SYNE2: variants seen among roughly 807,000 people sequenced by gnomAD.
The protein encoded by SYNE2 is spectrin repeat containing nuclear envelope protein 2.
SYNE2 carries 431 observed loss-of-function variants against 856.3 expected under a neutral mutation model. The observed-to-expected ratio is 0.50, with a 90% CI of 0.47 to 0.55. The LOEUF is 0.55. SYNE2 is among the 20% of genes least tolerant of loss of function. SYNE2 has a pLI of 0.00. For synonymous variants in SYNE2, 2,923 were observed against 2,872.3 expected, an observed-to-expected ratio of 1.02 and a Z score of -0.56; for missense variants, 8,129 against 8,023.2, an observed-to-expected ratio of 1.01 and a Z score of -0.50.
rs771611042 is a variant in SYNE2 at position 64,137,995 on chromosome 14, T to C, written c.14843+12T>C. ...AAGCATCTGCTCAGGTCAGCCTTTT[T>C]GGGGGTGGATTGGCTTCATATTGTG... On this transcript the variant is annotated intron_variant, in intron 79 of 115. Transcript: ENST00000555002. The C allele has an allele frequency of 1.2e-6, 2 of 1,610,492 alleles. No individual in the cohort carries two copies. The highest frequency in any genetic ancestry group is 3.4e-5 in the Admixed American group (2 of 59,316).
chr14:64,145,023 T>C (rs1456072243), intron 83 of SYNE2, among the ~76,000 whole-genome samples: 1 of 150,266 alleles, frequency 6.7e-6, no homozygotes, highest in Non-Finnish European at 1.5e-5. Context: ...ACCTCCCAGA[T>C]TCATGCAATT....
chr14:64,153,475 A>C (rs181851728), intron 85 of SYNE2, among the ~76,000 whole-genome samples: 43 of 152,296 alleles, frequency 2.8e-4, no homozygotes, highest in Non-Finnish European at 5.0e-4. Flanking sequence ...GTTGTCACCT[A>C]CTAAAATCTA....
intron 94 of SYNE2, among the ~76,000 whole-genome samples, chr14:64,174,162 C>T (rs558378624): frequency 4.3e-4 from 65 of 151,904 alleles, no homozygotes; most frequent in African/African-American, 1.4e-3. Context: ...ATCTCTGCCT[C>T]CCAGGTTAAA....
chr14:63,999,034 T>TC lies in SYNE2; in HGVS notation c.3475dup (p.Leu1159ProfsTer7). 6.2e-7 allele frequency: 1 copy of TC among 1,613,764 alleles called. No individual in the cohort carries two copies. The highest frequency in any genetic ancestry group is 8.5e-7 in the Non-Finnish European group (1 of 1,179,698). On this transcript the variant is annotated frameshift_variant, in exon 27 of 116. Coordinates refer to ENST00000555002, the MANE Select transcript of SYNE2 (RefSeq NM_182914.3). LOFTEE classifies it high-confidence loss of function. Reference sequence around the variant, plus strand: ...CTTGTCTGCAGGCTAAACTGACAGATCTACAGGTAATTACCAAAAATATTA... The same window carrying TC: ...CTTGTCTGCAGGCTAAACTGACAGATCCTACAGGTAATTACCAAAAATATTA...
chr14:64,174,873 A>C, intron 94 of SYNE2, 71 bp from the exon 95 acceptor site: 1 of 1,413,778 alleles, frequency 7.1e-7, no homozygotes, highest in Non-Finnish European at 9.9e-7. Flanking sequence ...AAGGAAATAT[A>C]CACAGGCACA....
chr14:63,965,035 T>C (rs1314599507), intron 10 of SYNE2, among the ~76,000 whole-genome samples: 1 of 150,618 alleles, frequency 6.6e-6, no homozygotes, highest in Non-Finnish European at 1.5e-5. Flanking sequence ...TGACCTTGGC[T>C]CACTACAACC....
intron 57 of SYNE2, among the ~76,000 whole-genome samples, chr14:64,083,078 T>G (rs1297834796): frequency 1.3e-5 from 2 of 152,134 alleles, no homozygotes; most frequent in African/African-American, 4.8e-5. Context: ...GTGATTCAGC[T>G]CCTTTTTTTA....
chr14:64,174,065 T>TA, intron 94 of SYNE2: 2 of 534,854 alleles, frequency 3.7e-6, no homozygotes, highest in South Asian at 4.9e-5. Flanking sequence ...CCTTGTCTCT[T>TA]AAATTTTTTT....
chr14:63,845,249 C>G (rs1890188429), intron 1 of SYNE2, among the ~76,000 whole-genome samples: 1 of 152,016 alleles, frequency 6.6e-6, no homozygotes, highest in Admixed American at 6.6e-5. Flanking sequence ...AACCTCGTCT[C>G]TACTAAAATT....
At position 64,027,626 on chromosome 14, in the gene SYNE2, A is replaced by C; in HGVS notation, c.6547A>C (p.Lys2183Gln). 6.2e-7 allele frequency: 1 copy of C among 1,614,154 alleles called. No homozygotes were observed. The highest frequency in any genetic ancestry group is 1.1e-5 in the South Asian group (1 of 91,084). ...TCTGCAGGAGAAGAAAGCTCAGTTAAAGATTTATAAGAAATTCCTCAAGAA... is the reference window on the plus strand; with the variant it reads ...TCTGCAGGAGAAGAAAGCTCAGTTACAGATTTATAAGAAATTCCTCAAGAA... ...HGLQEKKAQL[K>Q]IYKKFLKKAQ... The change falls in exon 43 of 116, where the codon AAG becomes CAG. Residue 2183 changes from lysine (K) to glutamine (Q), a missense_variant. Transcript: ENST00000555002.
intron 1 of SYNE2, among the ~76,000 whole-genome samples, chr14:63,786,077 C>T (rs1887515259): frequency 6.6e-6 from 1 of 151,988 alleles, no homozygotes; most frequent in South Asian, 2.1e-4. Context: ...ATGGTGAATC[C>T]CGTCTCTACT....
chr14:64,144,134 G>C (rs1056674911), intron 83 of SYNE2, among the ~76,000 whole-genome samples, 186 bp downstream of exon 83: 1 of 152,166 alleles, frequency 6.6e-6, no homozygotes, highest in Admixed American at 6.5e-5. Context: ...TATAAAAATA[G>C]TTCTTATATT....
intron 30 of SYNE2, among the ~76,000 whole-genome samples, chr14:64,003,869 A>G (rs563461094): frequency 6.6e-6 from 1 of 152,338 alleles, no homozygotes; most frequent in African/African-American, 2.4e-5. Flanking sequence ...ACAGAGTTGC[A>G]GTAGACTGAG....
chr14:64,052,203 C>T lies in SYNE2; in HGVS notation c.8290C>T (p.Gln2764Ter). 6.2e-7 allele frequency: 1 copy of T among 1,614,166 alleles called. No individual in the cohort carries two copies. Among genetic ancestry groups the T allele is most frequent in the Non-Finnish European group, 8.5e-7 (1 of 1,180,036 alleles). ...IPLLPDDILS[Q>*]IRKCKVTHDG... is the part of the protein sequence containing the mutation. ...CCTTCTCCCAGATGACATTCTTTCA[C>T]AGATCAGAAAGTGCAAAGTGACACA... The change falls in exon 48 of 116, where the codon CAG becomes TAG. Residue 2764 changes from glutamine to a stop codon, truncating the protein, a stop_gained. Coordinates refer to ENST00000555002, the MANE Select transcript of SYNE2 (RefSeq NM_182914.3). LOFTEE classifies it high-confidence loss of function.
chr14:63,884,871 AC>A (rs1352978279), intron 1 of SYNE2, among the ~76,000 whole-genome samples: 1 of 151,958 alleles, frequency 6.6e-6, no homozygotes, highest in East Asian at 1.9e-4. Flanking sequence ...CGATCTCCTG[AC>A]CTTGTGATCC....
At position 64,060,825 on chromosome 14, in the gene SYNE2, C is replaced by T. The variant is rs548153473; in HGVS notation, c.10068-1926C>T. On this transcript the variant is annotated intron_variant, in intron 49 of 115. Coordinates refer to ENST00000555002, the MANE Select transcript of SYNE2 (RefSeq NM_182914.3). ...GGCTTGCTGCAATTCTAGTTTCAACCACTGGGATGGGCAGTTGCCCTCTGG... is the reference window on the plus strand; with the variant it reads ...GGCTTGCTGCAATTCTAGTTTCAACTACTGGGATGGGCAGTTGCCCTCTGG... 2.4e-4 allele frequency among the ~76,000 whole-genome samples: 37 copies of T among 152,308 alleles called. No homozygotes were observed. The South Asian group carries it at 7.7e-3, about 32-fold the overall frequency.
chr14:64,000,777 C>T, intron 28 of SYNE2, 58 bp downstream of exon 28: 3 of 1,471,256 alleles, frequency 2.0e-6, no homozygotes, highest in Non-Finnish European at 2.8e-6. Flanking sequence ...TCCTGTAATG[C>T]CATTTTAAGC....
intron 11 of SYNE2, among the ~76,000 whole-genome samples, chr14:63,969,616 C>G (rs763598002): frequency 6.6e-6 from 1 of 152,076 alleles, no homozygotes; most frequent in Non-Finnish European, 1.5e-5. Context: ...GCTAGGATTA[C>G]AGGCATGAGC....
intron 1 of SYNE2, among the ~76,000 whole-genome samples, chr14:63,828,707 G>A (rs1303266481): frequency 1.3e-5 from 2 of 151,496 alleles, no homozygotes; most frequent in East Asian, 1.9e-4. Context: ...CTCCAGCCTC[G>A]GCAACAGAGT....
Sources: allele counts gnomAD v4.1 joint callset (sites outside exome capture counted in the v4.1 genomes callset), GRCh38; gene constraint gnomAD v4.1.1; transcripts MANE v1.5; gene names NCBI Gene and HGNC (gene_info 2026-07-23, HGNC 2026-07-21).